Variants in ELMO1 observed in about 807,000 individuals in gnomAD.
The protein encoded by ELMO1 is engulfment and cell motility protein 1.
A neutral mutation model predicts 98.9 loss-of-function variants in ELMO1; 26 were observed. The ratio of observed to expected loss-of-function variants is 0.26; its 90% confidence interval spans 0.19 to 0.36. ELMO1 has a LOEUF of 0.36. Among genes scored for constraint, ELMO1 ranks in the 10% least tolerant of loss-of-function variants. The pLI, the probability that ELMO1 is intolerant of heterozygous loss-of-function variation, is 1.00. For synonymous variants in ELMO1, 346 were observed against 346.0 expected (o/e 1.00, Z 0.00); for missense variants, 627 against 935.2 (o/e 0.67, Z 4.30).
intron 16 of ELMO1, among the ~76,000 whole-genome samples, chr7:36,976,128 A>G (rs912887302): frequency 3.3e-5 from 5 of 152,186 alleles, no homozygotes; most frequent in African/African-American, 4.8e-5. Flanking sequence ...TACACAGAAA[A>G]ATGGGCACAG....
intron 1 of ELMO1, chr7:37,376,116 T>TG (rs1562651746): frequency 6.1e-6 from 2 of 325,436 alleles, no homozygotes; most frequent in Non-Finnish European, 1.2e-5. Context: ...ACACTGATTC[T>TG]TACAGCTCTT....
chr7:37,285,343 G>A (rs1206151607), intron 4 of ELMO1, among the ~76,000 whole-genome samples: 1 of 152,138 alleles, frequency 6.6e-6, no homozygotes, highest in Non-Finnish European at 1.5e-5. Flanking sequence ...CATTTACATT[G>A]GAATATACCC....
intron 1 of ELMO1, among the ~76,000 whole-genome samples, chr7:37,404,859 G>T (rs1803686766): frequency 6.6e-6 from 1 of 152,248 alleles, no homozygotes; most frequent in South Asian, 2.1e-4. Context: ...AAAATATCCA[G>T]TTTTTAAAAA....
intron 17 of ELMO1, among the ~76,000 whole-genome samples, chr7:36,888,245 G>A (rs1368728481): frequency 6.6e-6 from 1 of 152,264 alleles, no homozygotes; most frequent in African/African-American, 2.4e-5. Flanking sequence ...TGGGAAAAAT[G>A]AAAGATTATT....
chr7:37,121,670 G>A (rs11768644), intron 14 of ELMO1, among the ~76,000 whole-genome samples: 26,765 of 152,144 alleles, frequency 0.18, 2,709 homozygotes, highest in African/African-American at 0.28. Flanking sequence ...TGAAAGTGAC[G>A]GGGAGAATGG....
intron 16 of ELMO1, chr7:36,984,996 T>C: frequency 1.0e-6 from 1 of 985,408 alleles, no homozygotes; most frequent in Non-Finnish European, 1.2e-6. Context: ...ACATACATTT[T>C]TAAGTTTGCA....
At chr7:37,069,502 A>C (rs1184649941) in intron 15 of ELMO1, among the ~76,000 whole-genome samples, 4 of 152,216 alleles carry the variant, frequency 2.6e-5, no homozygotes, top group South Asian at 2.1e-4. Flanking sequence ...TGCAAACATG[A>C]AATTAAGAAA....
At chr7:37,101,218 C>T (rs1784621841) in intron 14 of ELMO1, among the ~76,000 whole-genome samples, 1 of 152,126 alleles carries the variant, frequency 6.6e-6, no homozygotes. Context: ...AAAAGTAGGT[C>T]CTCACCTGCT....
chr7:37,304,441 C>T (rs1268941978), intron 4 of ELMO1, among the ~76,000 whole-genome samples: 3 of 152,170 alleles, frequency 2.0e-5, no homozygotes, highest in African/African-American at 7.2e-5. Context: ...GGCGTCTGGG[C>T]ACGGCGGCTC....
Position 36,855,083 on chromosome 7 carries a change from A to G in ELMO1, c.*468T>C. 5.3e-6 allele frequency: 1 copy of G among 190,170 alleles called. No individual in the cohort carries two copies. The highest frequency in any genetic ancestry group is 1.1e-5 in the Non-Finnish European group (1 of 90,252). The allele number at this position is 190,170 out of a possible 1,614,324, so 11.8% of individuals were successfully genotyped here. ...CTGGTGGTGCGAGATGATTCTAGAGAGAGGGGAAAGGAGGATGTGGGGTTT... is the reference window on the plus strand; with the variant it reads ...CTGGTGGTGCGAGATGATTCTAGAGGGAGGGGAAAGGAGGATGTGGGGTTT... On this transcript the variant is annotated 3_prime_UTR_variant, in exon 22 of 22. Transcript: ENST00000310758. This position sits in a 1 kb window ranked among gnomAD's most constrained non-coding sequence, Gnocchi z 4.2.
intron 1 of ELMO1, among the ~76,000 whole-genome samples, chr7:37,365,259 A>T (rs1272710886): frequency 1.3e-5 from 2 of 152,218 alleles, no homozygotes; most frequent in African/African-American, 4.8e-5. Context: ...ACTGGAAAAT[A>T]AAAGAGGTTG....
At chr7:37,147,800 T>C (rs990225677) in intron 13 of ELMO1, among the ~76,000 whole-genome samples, 3 of 147,482 alleles carry the variant, frequency 2.0e-5, no homozygotes, top group African/African-American at 7.6e-5. Flanking sequence ...GAAGCAGATA[T>C]ATCAGAGGAG....
chr7:37,437,176 G>T (rs571107390), intron 1 of ELMO1, among the ~76,000 whole-genome samples: 1 of 152,282 alleles, frequency 6.6e-6, no homozygotes, highest in Non-Finnish European at 1.5e-5. Context: ...TTACTCCAAT[G>T]ACATGGGGTT....
intron 5 of ELMO1, among the ~76,000 whole-genome samples, chr7:37,262,102 T>C (rs1347357203): frequency 1.3e-5 from 2 of 152,224 alleles, no homozygotes; most frequent in Non-Finnish European, 2.9e-5. Flanking sequence ...CTCTTATTAA[T>C]ATATACTTTA....
At chr7:37,436,437 A>G (rs1805146898) in intron 1 of ELMO1, among the ~76,000 whole-genome samples, 1 of 152,242 alleles carries the variant, frequency 6.6e-6, no homozygotes, top group Non-Finnish European at 1.5e-5. Flanking sequence ...TTTCATGACT[A>G]TAGTAATGGA....
intron 15 of ELMO1, among the ~76,000 whole-genome samples, chr7:37,045,081 C>G (rs34228632): frequency 0.12 from 18,253 of 152,134 alleles, 1,471 homozygotes; most frequent in African/African-American, 0.24. Flanking sequence ...AGAGTAACTA[C>G]TTTTACACAC....
chr7:36,891,838 AT>A (rs1324415026), intron 17 of ELMO1, among the ~76,000 whole-genome samples: 2 of 152,070 alleles, frequency 1.3e-5, no homozygotes, highest in Non-Finnish European at 2.9e-5. Flanking sequence ...AGTTTTACAC[AT>A]TTTGCTTCCC....
intron 1 of ELMO1, among the ~76,000 whole-genome samples, chr7:37,352,079 A>G (rs1280801831): frequency 6.6e-6 from 1 of 152,230 alleles, no homozygotes; most frequent in East Asian, 1.9e-4. Context: ...CTAATAACTT[A>G]CTAGTTCACT....
chr7:37,435,828 A>G (rs911640842), intron 1 of ELMO1, among the ~76,000 whole-genome samples: 1 of 152,160 alleles, frequency 6.6e-6, no homozygotes, highest in African/African-American at 2.4e-5. Flanking sequence ...TCTCTCTACC[A>G]TCCTTAGCCA....
Sources: allele counts gnomAD v4.1 joint callset (sites outside exome capture counted in the v4.1 genomes callset), GRCh38; gene constraint gnomAD v4.1.1; non-coding constraint Gnocchi (gnomAD v3.1); transcripts MANE v1.5; gene names NCBI Gene and HGNC (gene_info 2026-07-23, HGNC 2026-07-21).